SLC35D4: variants seen among roughly 807,000 people sequenced by gnomAD.
The protein encoded by SLC35D4 is solute carrier family 35 member D4, also known as UDP-N-acetylglucosamine transporter SLC35D4.
At chr18:23,286,886 CCTT>C in the SLC35D4 span, among the ~76,000 whole-genome samples, 1 of 151,984 alleles carries the variant, frequency 6.6e-6, no homozygotes, top group African/African-American at 2.4e-5. Flanking sequence ...TCATTGCCGC[CCTT>C]CTTCCCAATC....
chr18:23,421,446 T>A, the SLC35D4 span: 1 of 1,613,902 alleles, frequency 6.2e-7, no homozygotes, highest in Non-Finnish European at 8.5e-7. Context: ...GTCTGCCACC[T>A]GGAAAGGACA....
the SLC35D4 span, among the ~76,000 whole-genome samples, chr18:23,240,073 G>T: frequency 6.6e-6 from 1 of 152,210 alleles, no homozygotes; most frequent in African/African-American, 2.4e-5. Context: ...AGCTGAGATT[G>T]TGCCACTGCA....
chr18:23,242,736 G>A, the SLC35D4 span, among the ~76,000 whole-genome samples: 1 of 152,180 alleles, frequency 6.6e-6, no homozygotes, highest in African/African-American at 2.4e-5. Flanking sequence ...GCATAAGCAT[G>A]TAAACCTCAA....
At chr18:23,286,696 G>T in the SLC35D4 span, among the ~76,000 whole-genome samples, 6 of 150,154 alleles carry the variant, frequency 4.0e-5, no homozygotes, top group African/African-American at 7.3e-5. Context: ...CATAACTGTT[G>T]TAGGTATTGA....
At chr18:23,369,257 C>T in the SLC35D4 span, among the ~76,000 whole-genome samples, 5 of 152,134 alleles carry the variant, frequency 3.3e-5, no homozygotes, top group African/African-American at 1.2e-4. Context: ...GAGTGGAAGC[C>T]CCACATTCTC....
At chr18:23,306,455 C>T in the SLC35D4 span, among the ~76,000 whole-genome samples, 1 of 152,024 alleles carries the variant, frequency 6.6e-6, no homozygotes, top group Non-Finnish European at 1.5e-5. Context: ...TACAGGCATG[C>T]GCCATCACAC....
At chr18:23,414,331 A>AAGGAAGGAAGGCAGGCAGGCAGGCAGGC in the SLC35D4 span, among the ~76,000 whole-genome samples, 1 of 140,450 alleles carries the variant, frequency 7.1e-6, no homozygotes, top group African/African-American at 2.7e-5. Flanking sequence ...GGAAGGAAGG[A>AAGGAAGGAAGGCAGGCAGGCAGGCAGGC]AGGCAGGCAG....
At chr18:23,383,652 C>A in the SLC35D4 span, among the ~76,000 whole-genome samples, 1 of 152,006 alleles carries the variant, frequency 6.6e-6, no homozygotes, top group Non-Finnish European at 1.5e-5. Context: ...GGCAAGGCAG[C>A]TTGAGATTTT....
the SLC35D4 span, among the ~76,000 whole-genome samples, chr18:23,400,968 ATCAT>A: frequency 1.3e-5 from 2 of 152,248 alleles, no homozygotes; most frequent in Non-Finnish European, 2.9e-5. Flanking sequence ...GCTGAGAATT[ATCAT>A]TAATAGCAGC....
the SLC35D4 span, among the ~76,000 whole-genome samples, chr18:23,339,904 T>A: frequency 6.6e-6 from 1 of 152,314 alleles, no homozygotes; most frequent in Non-Finnish European, 1.5e-5. Flanking sequence ...ACCATCACCT[T>A]GGGGCTTAGG....
the SLC35D4 span, among the ~76,000 whole-genome samples, chr18:23,324,653 C>T: frequency 8.5e-5 from 13 of 152,156 alleles, no homozygotes; most frequent in African/African-American, 2.9e-4. Flanking sequence ...AAGACATGGG[C>T]AGACTCTGAA....
At chr18:23,350,650 G>C in the SLC35D4 span, among the ~76,000 whole-genome samples, 8 of 152,060 alleles carry the variant, frequency 5.3e-5, no homozygotes, top group Non-Finnish European at 8.8e-5. Context: ...CTGGTCCACT[G>C]CTTGTTCCAA....
At chr18:23,374,450 G>A in the SLC35D4 span, among the ~76,000 whole-genome samples, 6 of 149,946 alleles carry the variant, frequency 4.0e-5, no homozygotes, top group African/African-American at 1.2e-4. Context: ...CTGAGGAACT[G>A]TTCTAGATTA....
the SLC35D4 span, among the ~76,000 whole-genome samples, chr18:23,305,109 T>C: frequency 6.6e-6 from 1 of 152,260 alleles, no homozygotes; most frequent in Non-Finnish European, 1.5e-5. Context: ...TATGGAATTA[T>C]AGCTATGGTA....
the SLC35D4 span, among the ~76,000 whole-genome samples, chr18:23,364,708 T>C: frequency 2.6e-5 from 4 of 151,810 alleles, no homozygotes; most frequent in Middle Eastern, 0.01. Context: ...ATCGAGACCA[T>C]CCTGGCTAAC....
the SLC35D4 span, chr18:23,399,583 T>C: frequency 6.2e-7 from 1 of 1,613,946 alleles, no homozygotes; most frequent in South Asian, 1.1e-5. Context: ...GACAATGCTC[T>C]GGACCCAGCA....
chr18:23,249,783 C>T, the SLC35D4 span, among the ~76,000 whole-genome samples: 2 of 152,054 alleles, frequency 1.3e-5, no homozygotes, highest in East Asian at 1.9e-4. Flanking sequence ...CCACTGCTAG[C>T]GATCTTCTCG....
At chr18:23,264,772 T>C in the SLC35D4 span, among the ~76,000 whole-genome samples, 4 of 152,092 alleles carry the variant, frequency 2.6e-5, no homozygotes, top group African/African-American at 9.6e-5. Context: ...GTCTCCCAAA[T>C]AGGCTGGGAT....
chr18:23,262,117 T>C, the SLC35D4 span, among the ~76,000 whole-genome samples: 1 of 152,334 alleles, frequency 6.6e-6, no homozygotes, highest in Non-Finnish European at 1.5e-5. Context: ...GAGAAAGGTA[T>C]AGAGAAAAAT....
Sources: allele counts gnomAD v4.1 joint callset (sites outside exome capture counted in the v4.1 genomes callset), GRCh38; gene constraint gnomAD v4.1.1; transcripts MANE v1.5; gene names NCBI Gene and HGNC (gene_info 2026-07-23, HGNC 2026-07-21).